The following PARVA variants were observed in gnomAD, a reference collection of about 807,000 sequenced individuals.
PARVA encodes alpha-parvin.
PARVA carries 25 observed loss-of-function variants against 52.6 expected under a neutral mutation model. The observed-to-expected ratio is 0.48, with a 90% CI of 0.35 to 0.66. The LOEUF (loss-of-function observed/expected upper bound fraction) is 0.66. Among genes scored for constraint, PARVA ranks in the 30% least tolerant of loss-of-function variants. The pLI is 0.01. For missense variants in PARVA, 373 were observed against 450.9 expected, an observed-to-expected ratio of 0.83 and a Z score of 1.56; for synonymous variants, 185 against 179.1, an observed-to-expected ratio of 1.03 and a Z score of -0.26.
chr11:12,516,079 T>C (rs1941563789), intron 10 of PARVA, among the ~76,000 whole-genome samples: 1 of 152,206 alleles, frequency 6.6e-6, no homozygotes, highest in African/African-American at 2.4e-5. Flanking sequence ...GCTCAAGCGA[T>C]CCGCCTGCCT....
chr11:12,473,763 A>G lies in PARVA; in HGVS notation c.155A>G (p.Glu52Gly). ...KAKEVSELQE[E>G]GMNAINLPLS... ...CTTCCAGTGTCCGAGCTGCAGGAGG[A>G]GGGAATGAACGCCATCAACCTGCCC... The change falls in exon 2 of 13, where the codon GAG (glutamate) becomes GGG (glycine). Residue 52 changes from glutamate (E) to glycine (G), a missense_variant. Transcript: ENST00000334956. The G allele has an allele frequency of 6.4e-7, 1 of 1,566,310 alleles. No homozygotes were observed. Among genetic ancestry groups the G allele is most frequent in the Non-Finnish European group, 8.7e-7 (1 of 1,154,684 alleles).
chr11:12,520,344 C>T (rs546776824), intron 12 of PARVA, among the ~76,000 whole-genome samples: 7 of 152,320 alleles, frequency 4.6e-5, no homozygotes, highest in African/African-American at 1.4e-4. Context: ...GGTTTTTATG[C>T]TTCTACCTGG....
intron 1 of PARVA, among the ~76,000 whole-genome samples, chr11:12,387,938 A>C (rs1010081651): frequency 6.6e-6 from 1 of 152,194 alleles, no homozygotes; most frequent in African/African-American, 2.4e-5. Context: ...TTACAGACCA[A>C]AACTCTATAG....
At chr11:12,423,132 G>A (rs1342507714) in intron 1 of PARVA, among the ~76,000 whole-genome samples, 1 of 151,808 alleles carries the variant, frequency 6.6e-6, no homozygotes, top group Admixed American at 6.6e-5. Flanking sequence ...GGGATTACAG[G>A]CGTGAGCCAC....
intron 1 of PARVA, among the ~76,000 whole-genome samples, chr11:12,393,024 C>T (rs1055422568): frequency 2.4e-5 from 1 of 41,384 alleles, no homozygotes; most frequent in African/African-American, 8.5e-5. Flanking sequence ...TGGCTGGAAA[C>T]AATTTTAACC....
At chr11:12,469,172 G>T (rs569495878) in intron 1 of PARVA, among the ~76,000 whole-genome samples, 1 of 152,216 alleles carries the variant, frequency 6.6e-6, no homozygotes, top group Non-Finnish European at 1.5e-5. Flanking sequence ...CTTACATAAG[G>T]TTCCACAGCT....
At position 12,416,206 on chromosome 11, in the gene PARVA, G is replaced by A. The variant is rs183593123; in HGVS notation, c.136+38423G>A. Among the ~76,000 whole-genome samples the A allele has an allele frequency of 4.0e-4, 61 of 152,300 alleles. 1 individual carries two copies. Among genetic ancestry groups the A allele is most frequent in the Admixed American group, 3.2e-3 (49 of 15,298 alleles). On this transcript the variant is annotated intron_variant, in intron 1 of 12. Coordinates refer to ENST00000334956, the MANE Select transcript of PARVA (RefSeq NM_018222.5). The stretch of plus-strand genomic sequence containing the variant: ...ATGAACATAAATGGCTTTGTCACCC[G>A]TTAGCAGGCAGATAGAGCATGTGTT...
At chr11:12,493,197 A>T (rs1253723244) in intron 4 of PARVA, among the ~76,000 whole-genome samples, 1 of 152,034 alleles carries the variant, frequency 6.6e-6, no homozygotes, top group Non-Finnish European at 1.5e-5. Context: ...CTCTACTAAA[A>T]ATACAAAAAT....
At chr11:12,469,021 G>C (rs980879059) in intron 1 of PARVA, among the ~76,000 whole-genome samples, 3 of 152,190 alleles carry the variant, frequency 2.0e-5, no homozygotes, top group Non-Finnish European at 4.4e-5. Flanking sequence ...AGGCATAGGA[G>C]GGAGGGGTGT....
At chr11:12,509,288 C>G (rs544497458) in intron 7 of PARVA, among the ~76,000 whole-genome samples, 3 of 152,048 alleles carry the variant, frequency 2.0e-5, no homozygotes, top group Non-Finnish European at 4.4e-5. Flanking sequence ...CTCTGAGTCC[C>G]CCTTGAACAA....
At chr11:12,405,505 A>G (rs1487591127) in intron 1 of PARVA, among the ~76,000 whole-genome samples, 5 of 152,142 alleles carry the variant, frequency 3.3e-5, no homozygotes, top group South Asian at 4.1e-4. Flanking sequence ...TCAAGGCTGC[A>G]GTGAGCCGTG....
chr11:12,425,039 C>T (rs1195906962), intron 1 of PARVA, among the ~76,000 whole-genome samples: 1 of 152,076 alleles, frequency 6.6e-6, no homozygotes, highest in Non-Finnish European at 1.5e-5. Context: ...TGGTGTTGTC[C>T]TCAGGTGTTT....
At chr11:12,454,308 A>T (rs1940664448) in intron 1 of PARVA, among the ~76,000 whole-genome samples, 1 of 152,088 alleles carries the variant, frequency 6.6e-6, no homozygotes, top group Non-Finnish European at 1.5e-5. Context: ...AAATAGTATA[A>T]TTTTTTTCTT....
chr11:12,485,825 G>A (rs1941152214), intron 4 of PARVA, among the ~76,000 whole-genome samples: 1 of 152,040 alleles, frequency 6.6e-6, no homozygotes. Flanking sequence ...GTAATGAAAG[G>A]GTACTTCACT....
intron 5 of PARVA, among the ~76,000 whole-genome samples, chr11:12,502,670 G>A (rs1941378273): frequency 6.6e-6 from 1 of 152,090 alleles, no homozygotes. Context: ...TCGAGAGGCA[G>A]GAATGATAGG....
Position 12,417,631 on chromosome 11 carries a change from C to G in PARVA, c.136+39848C>G, listed in dbSNP as rs992026747. On this transcript the variant is annotated intron_variant, in intron 1 of 12. Transcript: ENST00000334956. ...ATCAGTAGGAGAGGAGGATTTTTCA[C>G]TCTGCAAGACTGAAAAATGCAAGAG... Among the ~76,000 whole-genome samples, 4 of 152,218 alleles carry G rather than the reference C, an allele frequency of 2.6e-5. No homozygotes were observed. In the South Asian group the frequency reaches 6.2e-4, roughly 24 times the overall value.
intron 1 of PARVA, among the ~76,000 whole-genome samples, chr11:12,458,531 G>A (rs989676498): frequency 1.3e-5 from 2 of 152,126 alleles, no homozygotes; most frequent in African/African-American, 2.4e-5. Context: ...TTCCTTGGAG[G>A]AAAAGAGCAT....
intron 1 of PARVA, among the ~76,000 whole-genome samples, chr11:12,449,968 A>T (rs1218056364): frequency 6.6e-6 from 1 of 152,262 alleles, no homozygotes; most frequent in Non-Finnish European, 1.5e-5. Flanking sequence ...CATTGATCAG[A>T]TAGATTCTTA....
intron 1 of PARVA, among the ~76,000 whole-genome samples, chr11:12,395,090 T>C (rs1939719933): frequency 9.2e-6 from 1 of 108,492 alleles, no homozygotes; most frequent in Non-Finnish European, 1.8e-5. Context: ...AAACTCCATC[T>C]CAAAAAAAAA....
Sources: gnomAD v4.1 joint callset for allele counts (sites outside exome capture counted in the v4.1 genomes callset) on GRCh38, gnomAD v4.1.1 for gene constraint, MANE v1.5 for transcripts, NCBI Gene and HGNC (gene_info 2026-07-23, HGNC 2026-07-21) for gene names.